FAT3: variants seen among roughly 807,000 people sequenced by gnomAD.
The protein encoded by FAT3 is FAT atypical cadherin 3.
A neutral mutation model predicts 310.2 loss-of-function variants in FAT3; 95 were observed. The ratio of observed to expected loss-of-function variants is 0.31; its 90% CI spans 0.26 to 0.36. The LOEUF (loss-of-function observed/expected upper bound fraction) is 0.36, where lower values mean the gene tolerates loss of function less well. FAT3 is among the 10% of genes least tolerant of loss of function. The pLI, the probability that FAT3 is intolerant of heterozygous loss-of-function variation, is 1.00. For synonymous variants in FAT3, 2,314 were observed against 2,192.9 expected (o/e 1.06, Z -1.54); for missense variants, 5,408 against 5,715.6 (o/e 0.95, Z 1.74).
At chr11:92,264,774 C>T (rs144583646) in intron 1 of FAT3, among the ~76,000 whole-genome samples, 209 of 152,268 alleles carry the variant, frequency 1.4e-3, no homozygotes, top group African/African-American at 4.7e-3. Context: ...TCCCAGAACT[C>T]GGCTTGGCCG....
intron 2 of FAT3, among the ~76,000 whole-genome samples, chr11:92,356,607 C>T (rs1948737386): frequency 1.3e-5 from 2 of 152,126 alleles, no homozygotes; most frequent in Non-Finnish European, 2.9e-5. Context: ...TGCTTTTCTT[C>T]CCGTAAGGGC....
intron 2 of FAT3, among the ~76,000 whole-genome samples, chr11:92,413,719 G>T (rs1428581566): frequency 1.1e-4 from 16 of 152,166 alleles, no homozygotes; most frequent in Admixed American, 1.0e-3. Context: ...GGGTGGGTTT[G>T]CTGAACAGCA....
intron 3 of FAT3, among the ~76,000 whole-genome samples, chr11:92,540,740 TTTTTGTTTTGTTTTG>T (rs149679843): frequency 6.5e-5 from 9 of 137,566 alleles, no homozygotes; most frequent in South Asian, 2.8e-4. Flanking sequence ...CTATGGCATG[TTTTTGTTTTGTTTTG>T]TTTTGTTTTG....
intron 6 of FAT3, 102 bp downstream of exon 6, chr11:92,765,191 T>C: frequency 9.9e-7 from 1 of 1,011,390 alleles, no homozygotes; most frequent in Admixed American, 2.9e-5. Context: ...TAACAATTAG[T>C]GCCAAGATTA....
At position 92,870,460 on chromosome 11, in the gene FAT3, G is replaced by A. The variant is rs148375828; in HGVS notation, c.12127+3251G>A. Among the ~76,000 whole-genome samples, 28 of 152,058 alleles carry A rather than the reference G, an allele frequency of 1.8e-4. No homozygotes were observed. The East Asian group carries it at 1.9e-3, about 11-fold the overall frequency. Reference sequence around the variant, plus strand: ...AACCACAGAGAGAAGGCTCTCTCTCGGTAAAGCCTTAAAATTATATGTATT... The same window carrying A: ...AACCACAGAGAGAAGGCTCTCTCTCAGTAAAGCCTTAAAATTATATGTATT... On this transcript the variant is annotated intron_variant, in intron 22 of 27. Transcript: ENST00000525166.
intron 1 of FAT3, among the ~76,000 whole-genome samples, chr11:92,284,244 T>A (rs967675199): frequency 2.0e-5 from 3 of 151,898 alleles, no homozygotes; most frequent in Admixed American, 6.6e-5. Flanking sequence ...GGATGCAGCA[T>A]GTCAAAGGTA....
intron 2 of FAT3, among the ~76,000 whole-genome samples, chr11:92,519,035 T>C (rs1953593483): frequency 6.6e-6 from 1 of 152,128 alleles, no homozygotes; most frequent in Non-Finnish European, 1.5e-5. Context: ...AAGTGTCTTA[T>C]GGATTTTAAA....
rs1424882651 is a variant in FAT3 at position 92,893,352 on chromosome 11, T to C, written c.*2239T>C. On this transcript the variant is annotated 3_prime_UTR_variant, in exon 28 of 28. Transcript: ENST00000525166. ...AACAAAGTCTTTGGTATTTTTCTTA[T>C]GTAAGAAGCACATTTGCAAGAATCA... The C allele has an allele frequency of 1.3e-5, 2 of 152,204 alleles. No individual in the cohort carries two copies. Among genetic ancestry groups the C allele is most frequent in the East Asian group, 1.9e-4 (1 of 5,202 alleles). The allele number at this position is 152,204 out of a possible 1,614,324, so 9.4% of individuals were successfully genotyped here. A position where few individuals can be genotyped will look rare whatever the true frequency, so the allele number is the denominator to read the frequency against.
chr11:92,317,804 C>T (rs926796720), intron 1 of FAT3, among the ~76,000 whole-genome samples: 31 of 152,164 alleles, frequency 2.0e-4, no homozygotes, highest in African/African-American at 7.2e-4. Context: ...ACCTGCTGGT[C>T]TTGAGCAGTT....
At chr11:92,348,052 A>G (rs190722400) in intron 1 of FAT3, among the ~76,000 whole-genome samples, 20 of 152,342 alleles carry the variant, frequency 1.3e-4, no homozygotes, top group Non-Finnish European at 2.8e-4. Context: ...AAATTTTACA[A>G]CATTCCTAGC....
At chr11:92,236,289 A>G (rs1180541346) in intron 1 of FAT3, among the ~76,000 whole-genome samples, 1 of 152,176 alleles carries the variant, frequency 6.6e-6, no homozygotes, top group African/African-American at 2.4e-5. Context: ...CTGGTACATA[A>G]TAATGCTTGT....
intron 16 of FAT3, among the ~76,000 whole-genome samples, chr11:92,837,359 G>A (rs951487312): frequency 2.6e-5 from 4 of 152,158 alleles, no homozygotes; most frequent in Non-Finnish European, 4.4e-5. Flanking sequence ...TGTCCCCCAG[G>A]GACGTTTGGC....
At chr11:92,730,207 T>C (rs2135996723) in intron 4 of FAT3, among the ~76,000 whole-genome samples, 1 of 152,178 alleles carries the variant, frequency 6.6e-6, no homozygotes. Flanking sequence ...TCATGGTGGC[T>C]CATGCCTGTA....
At chr11:92,622,139 A>T (rs1416635095) in intron 3 of FAT3, among the ~76,000 whole-genome samples, 2 of 152,088 alleles carry the variant, frequency 1.3e-5, no homozygotes, top group African/African-American at 2.4e-5. Flanking sequence ...TACAAAAATT[A>T]TCCAGGCATG....
chr11:92,455,486 A>C (rs1951471988), intron 2 of FAT3, among the ~76,000 whole-genome samples: 1 of 152,126 alleles, frequency 6.6e-6, no homozygotes, highest in South Asian at 2.1e-4. Context: ...ATGGCTTCTT[A>C]CAGGTAGTGA....
chr11:92,836,365 T>C (rs1948408282), intron 15 of FAT3, among the ~76,000 whole-genome samples: 1 of 152,078 alleles, frequency 6.6e-6, no homozygotes, highest in African/African-American at 2.4e-5. Context: ...AAAAATAAAA[T>C]GGCAGCTGCG....
intron 3 of FAT3, among the ~76,000 whole-genome samples, chr11:92,619,792 C>G (rs1940997610): frequency 6.6e-6 from 1 of 151,650 alleles, no homozygotes; most frequent in South Asian, 2.1e-4. Flanking sequence ...ATTTGTTGAG[C>G]TTTTTAAAAA....
At chr11:92,625,055 G>A (rs1417719235) in intron 3 of FAT3, among the ~76,000 whole-genome samples, 2 of 152,154 alleles carry the variant, frequency 1.3e-5, no homozygotes, top group African/African-American at 4.8e-5. Flanking sequence ...TAGAGACCAT[G>A]TCTCCAAATA....
At chr11:92,572,052 A>G (rs992896048) in intron 3 of FAT3, among the ~76,000 whole-genome samples, 1 of 152,142 alleles carries the variant, frequency 6.6e-6, no homozygotes, top group African/African-American at 2.4e-5. Context: ...TCTTTTGTTC[A>G]TTTGGATGCT....
Sources: allele counts gnomAD v4.1 joint callset (sites outside exome capture counted in the v4.1 genomes callset), GRCh38; gene constraint gnomAD v4.1.1; transcripts MANE v1.5; gene names NCBI Gene and HGNC (gene_info 2026-07-23, HGNC 2026-07-21).